The following FAAH2 variants were observed in gnomAD, a reference collection of about 807,000 sequenced individuals.
FAAH2 encodes fatty acid amide hydrolase 2.
Under a neutral mutation model 36.9 loss-of-function variants are expected in FAAH2, and 60 were observed. The observed-to-expected ratio is 1.63, with a 90% CI of 1.32 to 2.02. FAAH2 has a LOEUF of 2.02. FAAH2 is among the 30% of genes most tolerant of loss of function. FAAH2 has a pLI of 0.00. For synonymous variants in FAAH2, 214 were observed against 143.8 expected (o/e 1.49, Z -3.49); for missense variants, 689 against 397.5 (o/e 1.73, Z -6.23).
At chrX:57,152,187 G>A in the FAAH2 span, among the ~76,000 whole-genome samples, 4 of 112,171 alleles carry the variant, frequency 3.6e-5, no homozygotes, top group Non-Finnish European at 5.6e-5. Context: ...CTACTGGGGG[G>A]TACCTCCCAG....
the FAAH2 span, among the ~76,000 whole-genome samples, chrX:57,257,747 T>C: frequency 9.0e-6 from 1 of 110,622 alleles, no homozygotes; most frequent in Non-Finnish European, 1.9e-5. Context: ...GAATAAAATA[T>C]ATAGAAACAA....
At chrX:57,169,262 G>T in the FAAH2 span, among the ~76,000 whole-genome samples, 1 of 106,068 alleles carries the variant, frequency 9.4e-6, no homozygotes, top group Non-Finnish European at 1.9e-5. Context: ...GGGAGATAGG[G>T]TTTCAACATA....
chrX:57,149,107 C>G, the FAAH2 span, among the ~76,000 whole-genome samples: 1 of 111,494 alleles, frequency 9.0e-6, no homozygotes, highest in Non-Finnish European at 1.9e-5. Context: ...GGGATGAAGC[C>G]CACTTGATCA....
At chrX:57,299,406 CA>C (rs1265024017) in intron 2 of FAAH2, among the ~76,000 whole-genome samples, 19 of 111,560 alleles carry the variant, frequency 1.7e-4, no homozygotes, top group East Asian at 5.7e-4. Flanking sequence ...AATTCAACAA[CA>C]CTTCATGCTA....
intron 5 of FAAH2, among the ~76,000 whole-genome samples, chrX:57,342,206 A>G (rs902914741): frequency 8.9e-6 from 1 of 111,778 alleles, no homozygotes; most frequent in Non-Finnish European, 1.9e-5. Flanking sequence ...GAACAAGATC[A>G]TTTCCTTTGC....
At chrX:57,477,311 C>T (rs372441663) in intron 10 of FAAH2, among the ~76,000 whole-genome samples, 1 of 110,235 alleles carries the variant, frequency 9.1e-6, no homozygotes, top group Admixed American at 9.7e-5. Flanking sequence ...GCTACATATT[C>T]ATGAAAAATT....
chrX:57,205,266 G>C, the FAAH2 span, among the ~76,000 whole-genome samples: 2 of 112,553 alleles, frequency 1.8e-5, no homozygotes, highest in East Asian at 5.6e-4. Context: ...ATCTGCTTTT[G>C]AGACCAGAGG....
At chrX:57,235,973 T>C in the FAAH2 span, among the ~76,000 whole-genome samples, 27 of 112,486 alleles carry the variant, frequency 2.4e-4, no homozygotes, top group Non-Finnish European at 7.5e-5. Context: ...TTTGTACCAA[T>C]TGAGCAAATG....
the FAAH2 span, among the ~76,000 whole-genome samples, chrX:57,193,847 G>A: frequency 4.5e-5 from 5 of 111,992 alleles, no homozygotes; most frequent in East Asian, 8.5e-4. Context: ...ATGCTGAACC[G>A]TTCTTGCATT....
intron 5 of FAAH2, among the ~76,000 whole-genome samples, chrX:57,362,061 G>T (rs1197294385): frequency 4.5e-5 from 5 of 110,323 alleles, no homozygotes; most frequent in Non-Finnish European, 9.5e-5. Flanking sequence ...CCGATTTTAT[G>T]GTCCTTTCTT....
At chrX:57,136,244 G>A in the FAAH2 span, 18 of 1,202,009 alleles carry the variant, frequency 1.5e-5, no homozygotes, top group African/African-American at 3.3e-4. Context: ...CATCACTAAT[G>A]TGAGATGATG....
At chrX:57,318,602 G>A (rs560377406) in intron 3 of FAAH2, among the ~76,000 whole-genome samples, 25 of 111,871 alleles carry the variant, frequency 2.2e-4, no homozygotes, top group Non-Finnish European at 3.2e-4. Flanking sequence ...ACAAAGAGGA[G>A]CTGGTAACAT....
chrX:57,322,531 C>T (rs2053061093), intron 3 of FAAH2, among the ~76,000 whole-genome samples: 1 of 111,153 alleles, frequency 9.0e-6, no homozygotes, highest in Non-Finnish European at 1.9e-5. Flanking sequence ...TTTCTGAATT[C>T]GAATGTTGGC....
chrX:57,231,010 A>G, the FAAH2 span, among the ~76,000 whole-genome samples: 1 of 104,966 alleles, frequency 9.5e-6, no homozygotes, highest in Non-Finnish European at 1.9e-5. Flanking sequence ...GAGGTCGAGG[A>G]TAATGATATC....
At chrX:57,249,224 A>G in the FAAH2 span, among the ~76,000 whole-genome samples, 1 of 111,858 alleles carries the variant, frequency 8.9e-6, no homozygotes, top group African/African-American at 3.3e-5. Context: ...CAACCAGAAC[A>G]GTCAGTTTCC....
chrX:57,414,127 T>C (rs2055774839), intron 7 of FAAH2, among the ~76,000 whole-genome samples: 1 of 112,090 alleles, frequency 8.9e-6, no homozygotes, highest in South Asian at 3.7e-4. Context: ...CTATGGGCTC[T>C]TCTAAATATA....
chrX:57,470,784 G>C (rs1457582076), intron 10 of FAAH2, among the ~76,000 whole-genome samples: 2 of 111,253 alleles, frequency 1.8e-5, no homozygotes, highest in Non-Finnish European at 3.8e-5. Flanking sequence ...GCCTGGCAGA[G>C]ACACAACCAA....
chrX:57,437,639 A>G (rs1442632426), intron 8 of FAAH2, among the ~76,000 whole-genome samples: 2 of 106,201 alleles, frequency 1.9e-5, no homozygotes, highest in Non-Finnish European at 3.9e-5. Flanking sequence ...AATAGTTACA[A>G]AAAATAAAGT....
At chrX:57,469,533 C>A (rs1286704400) in intron 10 of FAAH2, among the ~76,000 whole-genome samples, 1 of 111,948 alleles carries the variant, frequency 8.9e-6, no homozygotes, top group Admixed American at 9.4e-5. Flanking sequence ...GTGATCAATT[C>A]AATAAGAAGA....
Sources: gnomAD v4.1 joint callset for allele counts (sites outside exome capture counted in the v4.1 genomes callset) on GRCh38, gnomAD v4.1.1 for gene constraint, MANE v1.5 for transcripts, NCBI Gene and HGNC (gene_info 2026-07-23, HGNC 2026-07-21) for gene names.